The following PEAK1 variants were observed in gnomAD, a reference collection of about 807,000 sequenced individuals.
PEAK1 encodes the protein inactive tyrosine-protein kinase PEAK1.
Under a neutral mutation model 124.7 loss-of-function variants are expected in PEAK1, and 54 were observed. The ratio of observed to expected loss-of-function variants is 0.43; its 90% CI spans 0.35 to 0.54. The LOEUF (loss-of-function observed/expected upper bound fraction) is 0.54, where lower values mean the gene tolerates loss of function less well. Ranked by LOEUF, PEAK1 falls within the 20% of genes least tolerant of loss-of-function variation. PEAK1 has a pLI of 0.01. For missense variants in PEAK1, 2,046 were observed against 2,134.5 expected (o/e 0.96, Z 0.82); for synonymous variants, 719 against 760.0 (o/e 0.95, Z 0.89).
At chr15:77,277,975 C>A (rs1291032360) in intron 5 of PEAK1, among the ~76,000 whole-genome samples, 1 of 152,106 alleles carries the variant, frequency 6.6e-6, no homozygotes, top group Non-Finnish European at 1.5e-5. Context: ...ATGTACAACA[C>A]CAAGAGTGAA....
intron 2 of PEAK1, among the ~76,000 whole-genome samples, chr15:77,364,437 A>C (rs182472262): frequency 6.6e-6 from 1 of 152,340 alleles, no homozygotes; most frequent in African/African-American, 2.4e-5. Flanking sequence ...TAGATACTGA[A>C]GGACTCAGAG....
intron 2 of PEAK1, among the ~76,000 whole-genome samples, chr15:77,296,366 C>T (rs755800609): frequency 1.2e-4 from 18 of 150,992 alleles, no homozygotes; most frequent in African/African-American, 2.0e-4. Flanking sequence ...AATCCCAGCA[C>T]GTTGGGAGGC....
At chr15:77,176,322 CA>C (rs34377844) in intron 7 of PEAK1, among the ~76,000 whole-genome samples, 7 of 140,024 alleles carry the variant, frequency 5.0e-5, no homozygotes, top group African/African-American at 8.0e-5. Context: ...TTACATTTTT[CA>C]AAAAAAAAAG....
intron 2 of PEAK1, among the ~76,000 whole-genome samples, chr15:77,318,840 TC>T (rs1270689529): frequency 6.6e-6 from 1 of 152,018 alleles, no homozygotes; most frequent in Non-Finnish European, 1.5e-5. Context: ...TTACCACATG[TC>T]CCCTATAAAC....
intron 7 of PEAK1, among the ~76,000 whole-genome samples, chr15:77,172,663 T>C (rs1246776531): frequency 6.6e-6 from 1 of 152,228 alleles, no homozygotes; most frequent in Admixed American, 6.5e-5. Flanking sequence ...CATACTTTGT[T>C]ACACAGCAGA....
Position 77,366,134 on chromosome 15 carries a change from A to T in PEAK1, c.-665-909T>A, listed in dbSNP as rs2068221472. Among the ~76,000 whole-genome samples the T allele has an allele frequency of 2.0e-5, 3 of 152,166 alleles. 1 individual carries two copies. Among genetic ancestry groups the T allele is most frequent in the South Asian group, 2.1e-4 (1 of 4,828 alleles). ...CCCTTCCAGTTCTTCTCCTTACCAG[A>T]CTCATGGTAAGATTGCACCTCACTG... is the stretch of plus-strand genomic sequence containing the variant. On this transcript the variant is annotated intron_variant, in intron 1 of 9. Coordinates refer to ENST00000682557, the MANE Select transcript of PEAK1 (RefSeq NM_001385026.1).
intron 6 of PEAK1, among the ~76,000 whole-genome samples, chr15:77,236,939 C>T (rs1367123707): frequency 6.6e-6 from 1 of 152,132 alleles, no homozygotes; most frequent in African/African-American, 2.4e-5. Flanking sequence ...CTTTGCTTCC[C>T]CTTCGCCTTC....
rs569309067 is a variant in PEAK1 at position 77,118,646 on chromosome 15, G to A, written c.4078-3327C>T. 6.6e-5 allele frequency among the ~76,000 whole-genome samples: 10 copies of A among 152,160 alleles called. No homozygotes were observed. The South Asian group carries it at 2.1e-3, about 32-fold the overall frequency. ...AATTCACATTCCTTCTTTATAAAGA[G>A]TAGCTGGCATCTCAAGAGTAGCAGG... is the stretch of plus-strand genomic sequence containing the variant. On this transcript the variant is annotated intron_variant, in intron 9 of 9. Coordinates refer to ENST00000682557, the MANE Select transcript of PEAK1 (RefSeq NM_001385026.1).
At chr15:77,377,454 C>T (rs1170585173) in intron 1 of PEAK1, among the ~76,000 whole-genome samples, 1 of 151,286 alleles carries the variant, frequency 6.6e-6, no homozygotes, top group East Asian at 1.9e-4. Context: ...GTTATATATA[C>T]TCTTTTTTTT....
intron 1 of PEAK1, among the ~76,000 whole-genome samples, chr15:77,398,301 A>T (rs886819876): frequency 3.3e-5 from 5 of 152,018 alleles, no homozygotes; most frequent in African/African-American, 9.7e-5. Flanking sequence ...AGACACATTT[A>T]AAAAAAAGAA....
At position 77,282,577 on chromosome 15, in the gene PEAK1, G is replaced by A. The variant is rs2062728288; in HGVS notation, c.-275+1306C>T. Among the ~76,000 whole-genome samples, 3 of 152,266 alleles carry A rather than the reference G, an allele frequency of 2.0e-5. 1 individual carries two copies. The highest frequency in any genetic ancestry group is 3.4e-3 in the Middle Eastern group (1 of 294). On this transcript the variant is annotated intron_variant, in intron 5 of 9. Transcript: ENST00000682557. ...CCTGGCTTGCTTGCAGTTGACTCTA[G>A]ATCAGGAATTCTTTAAGCCTAAAGC...
At chr15:77,158,164 C>T (rs187928720) in intron 8 of PEAK1, 255 of 185,480 alleles carry the variant, frequency 1.4e-3, no homozygotes, top group African/African-American at 5.7e-3. Context: ...TGACACCCTC[C>T]TCTGTGTAAT....
intron 1 of PEAK1, among the ~76,000 whole-genome samples, chr15:77,373,918 A>ACTAAATT (rs2068820464): frequency 6.6e-6 from 1 of 152,182 alleles, no homozygotes; most frequent in South Asian, 2.1e-4. Flanking sequence ...AAATCCAGAT[A>ACTAAATT]CTAAAGTACT....
intron 1 of PEAK1, chr15:77,418,009 CA>C: frequency 1.0e-6 from 1 of 973,916 alleles, no homozygotes; most frequent in South Asian, 4.7e-5. Flanking sequence ...ATTCCAGGAA[CA>C]TATTTTTTAA....
rs201878511 is a variant in PEAK1 at position 77,179,488 on chromosome 15, C to T, written c.2439G>A (p.Thr813=). ...ADVAKSTPKS[T]PVRPKSLFTS... Reference sequence around the variant, plus strand: ...TAAAGAGAGATTTGGGCCGGACTGGCGTACTCTTAGGTGTGCTCTTAGCAA... The same window carrying T: ...TAAAGAGAGATTTGGGCCGGACTGGTGTACTCTTAGGTGTGCTCTTAGCAA... Residue 813 remains threonine, a synonymous_variant, in exon 7 of 10, where the codon ACG becomes ACA. Transcript: ENST00000682557. 7.9e-5 allele frequency: 128 copies of T among 1,614,018 alleles called. No homozygotes were observed. The highest frequency in any genetic ancestry group is 9.7e-5 in the Non-Finnish European group (115 of 1,180,008).
chr15:77,325,152 C>T (rs1437019578), intron 2 of PEAK1, among the ~76,000 whole-genome samples: 1 of 152,176 alleles, frequency 6.6e-6, no homozygotes, highest in African/African-American at 2.4e-5. Context: ...GGTGTGGTGG[C>T]TCATGCCTAC....
In PEAK1 at chr15:77,309,446, C is replaced by T. The variant is rs545481130; in HGVS notation, c.-602-22942G>A. Reference sequence around the variant, plus strand: ...TTTCCAGCAAGGGAAAAAAAAAACACCTTTACAGCTTCCAGAAAATCAACA... The same window carrying T: ...TTTCCAGCAAGGGAAAAAAAAAACATCTTTACAGCTTCCAGAAAATCAACA... On this transcript the variant is annotated intron_variant, in intron 2 of 9. Coordinates refer to ENST00000682557, the MANE Select transcript of PEAK1 (RefSeq NM_001385026.1). Among the ~76,000 whole-genome samples, 7 of 151,916 alleles carry T rather than the reference C, an allele frequency of 4.6e-5. No individual in the cohort carries two copies. In the South Asian group the frequency reaches 1.5e-3, roughly 32 times the overall value.
Position 77,179,555 on chromosome 15 carries a change from C to A in PEAK1, c.2372G>T (p.Cys791Phe), listed in dbSNP as rs764732917. Residue 791 changes from cysteine (C) to phenylalanine (F), a missense_variant, in exon 7 of 10, where the codon TGC (cysteine) becomes TTC (phenylalanine). By Grantham distance (205) the Cys-to-Phe change is radical. Transcript: ENST00000682557. Reference protein sequence around the residue: ...PETPQSGPKACSVEELYAIPP... With the variant: ...PETPQSGPKAFSVEELYAIPP... Reference sequence around the variant, plus strand: ...AATGGCATAAAGCTCTTCCACACTGCAAGCTTTAGGGCCAGATTGAGGTGT... The same window carrying A: ...AATGGCATAAAGCTCTTCCACACTGAAAGCTTTAGGGCCAGATTGAGGTGT... 3.1e-6 allele frequency: 5 copies of A among 1,614,152 alleles called. No homozygotes were observed. In the South Asian group the frequency reaches 4.4e-5, roughly 14 times the overall value.
intron 9 of PEAK1, among the ~76,000 whole-genome samples, chr15:77,120,838 T>C (rs2051846612): frequency 6.6e-6 from 1 of 152,210 alleles, no homozygotes. Flanking sequence ...TATTGAGCTA[T>C]CTGCAGCCGG....
Sources: gnomAD v4.1 joint callset for allele counts (sites outside exome capture counted in the v4.1 genomes callset) on GRCh38, gnomAD v4.1.1 for gene constraint, MANE v1.5 for transcripts, NCBI Gene and HGNC (gene_info 2026-07-23, HGNC 2026-07-21) for gene names.